DMD: variants seen among roughly 807,000 people sequenced by gnomAD.
The protein encoded by DMD is mutant dystrophin.
DMD carries 63 observed loss-of-function variants against 330.1 expected under a neutral mutation model. The ratio of observed to expected loss-of-function variants is 0.19; its 90% CI spans 0.16 to 0.24. The LOEUF (loss-of-function observed/expected upper bound fraction) is 0.24, where lower values mean the gene tolerates loss of function less well. DMD is among the 10% of genes least tolerant of loss of function. The pLI is 1.00. For missense variants in DMD, 3,344 were observed against 2,684.1 expected (o/e 1.25, Z -5.43); for synonymous variants, 1,223 against 959.8 (o/e 1.27, Z -5.07).
chrX:32,484,348 T>C (rs889104472), intron 21 of DMD, among the ~76,000 whole-genome samples: 2 of 112,112 alleles, frequency 1.8e-5, no homozygotes, highest in African/African-American at 6.5e-5. Flanking sequence ...CTTGAAAAAT[T>C]TGCTAGTCGC....
At chrX:31,593,605 T>A (rs1012509268) in intron 55 of DMD, among the ~76,000 whole-genome samples, 1 of 111,082 alleles carries the variant, frequency 9.0e-6, no homozygotes, top group Non-Finnish European at 1.9e-5. Flanking sequence ...CCAAAAACTA[T>A]GAAGAATTCC....
chrX:32,748,312 C>A (rs1406363897), intron 7 of DMD, among the ~76,000 whole-genome samples: 1 of 103,268 alleles, frequency 9.7e-6, no homozygotes, highest in Non-Finnish European at 2.0e-5. Context: ...CCACTGCACT[C>A]TCCAGACTGG....
At chrX:32,877,529 G>A (rs1297448368) in intron 2 of DMD, among the ~76,000 whole-genome samples, 1 of 112,117 alleles carries the variant, frequency 8.9e-6, no homozygotes, top group Non-Finnish European at 1.9e-5. Flanking sequence ...TCTTCTGAAA[G>A]TTAGCCCTTT....
At chrX:33,197,071 A>G (rs769770224) in intron 1 of DMD, among the ~76,000 whole-genome samples, 4 of 111,490 alleles carry the variant, frequency 3.6e-5, no homozygotes, top group African/African-American at 1.3e-4. Context: ...ACGTTCCCAT[A>G]TAATAGAAAT....
At chrX:31,805,494 C>T (rs1303249630) in intron 50 of DMD, among the ~76,000 whole-genome samples, 1 of 111,938 alleles carries the variant, frequency 8.9e-6, no homozygotes, top group African/African-American at 3.2e-5. Context: ...ATATATGGGA[C>T]TTATAGTCAT....
chrX:31,898,427 A>T (rs1435915730), intron 47 of DMD, among the ~76,000 whole-genome samples: 1 of 110,705 alleles, frequency 9.0e-6, no homozygotes, highest in African/African-American at 3.3e-5. Flanking sequence ...AGAGATATAG[A>T]TCAATGGAAC....
chrX:31,773,134 C>T (rs1208631042), intron 51 of DMD, among the ~76,000 whole-genome samples: 4 of 112,358 alleles, frequency 3.6e-5, no homozygotes, highest in African/African-American at 1.3e-4. Flanking sequence ...TACCTAAATA[C>T]CTTCAGCACA....
chrX:31,154,291 TA>T (rs1362770267), intron 74 of DMD, among the ~76,000 whole-genome samples: 3 of 110,576 alleles, frequency 2.7e-5, no homozygotes, highest in South Asian at 3.9e-4. Context: ...GTTTTTTTTT[TA>T]TTTTTTTATT....
chrX:31,156,123 G>C (rs1407605546), intron 74 of DMD, among the ~76,000 whole-genome samples: 1 of 111,903 alleles, frequency 8.9e-6, no homozygotes, highest in Admixed American at 9.5e-5. Context: ...TGAGAAGTAA[G>C]ACTATGCATA....
chrX:31,530,647 C>CTTTTTTTTTTTTTTTTTTTTTTTATT (rs1192286078), intron 55 of DMD, among the ~76,000 whole-genome samples: 3 of 49,814 alleles, frequency 6.0e-5, no homozygotes, highest in Non-Finnish European at 1.1e-4. Flanking sequence ...ACTGGTTTCT[C>CTTTTTTTTTTTTTTTTTTTTTTTATT]TTTTTTTTTT....
chrX:31,984,983 C>T (rs1410543483), intron 44 of DMD, among the ~76,000 whole-genome samples: 2 of 111,240 alleles, frequency 1.8e-5, no homozygotes. Flanking sequence ...ACAATGTATG[C>T]CATACAAAGA....
rs777018604 is a variant in DMD, at chrX:32,712,813, G to A, written c.650-13520C>T. 6.3e-5 allele frequency among the ~76,000 whole-genome samples: 7 copies of A among 111,446 alleles called. No individual in the cohort carries two copies. The South Asian group carries it at 2.2e-3, about 36-fold the overall frequency. Reference sequence around the variant, plus strand: ...ATTTTAATTTTGTGTTGGTAAATTTGTCGGTATTTTACAGCCTCTAGGTTT... The same window carrying A: ...ATTTTAATTTTGTGTTGGTAAATTTATCGGTATTTTACAGCCTCTAGGTTT... On this transcript the variant is annotated intron_variant, in intron 7 of 78. Coordinates refer to ENST00000357033, the MANE Select transcript of DMD (RefSeq NM_004006.3).
At chrX:33,007,071 T>C (rs1469689066) in intron 2 of DMD, among the ~76,000 whole-genome samples, 1 of 110,646 alleles carries the variant, frequency 9.0e-6, no homozygotes, top group Non-Finnish European at 1.9e-5. Flanking sequence ...CATTACTACA[T>C]TATCCTCTAA....
intron 9 of DMD, among the ~76,000 whole-genome samples, chrX:32,671,870 C>T (rs192599494): frequency 6.9e-4 from 77 of 111,423 alleles, no homozygotes; most frequent in Middle Eastern, 4.7e-3. Flanking sequence ...TATGCTTATG[C>T]TTTATATAAG....
At chrX:32,764,114 C>A (rs1266022145) in intron 7 of DMD, among the ~76,000 whole-genome samples, 2 of 107,605 alleles carry the variant, frequency 1.9e-5, no homozygotes, top group Admixed American at 9.9e-5. Flanking sequence ...TTTTTTCCAA[C>A]TAAATGGTTA....
intron 60 of DMD, among the ~76,000 whole-genome samples, chrX:31,378,166 G>A (rs2059980314): frequency 1.8e-5 from 2 of 111,436 alleles, no homozygotes; most frequent in African/African-American, 3.3e-5. Context: ...ACACGGACGC[G>A]CATGAAATTT....
intron 23 of DMD, among the ~76,000 whole-genome samples, chrX:32,468,114 T>C (rs777975698): frequency 9.1e-6 from 1 of 110,306 alleles, no homozygotes; most frequent in African/African-American, 3.3e-5. Flanking sequence ...ATATATAAAA[T>C]GATTACAATA....
chrX:32,361,383 C>G (rs12856584), intron 37 of DMD, among the ~76,000 whole-genome samples: 1 of 110,391 alleles, frequency 9.1e-6, no homozygotes, highest in South Asian at 3.8e-4. Context: ...CTACTAAGTT[C>G]TCTCATGCTG....
At chrX:33,178,837 T>C (rs1439928033) in intron 1 of DMD, among the ~76,000 whole-genome samples, 2 of 111,796 alleles carry the variant, frequency 1.8e-5, no homozygotes, top group Non-Finnish European at 3.8e-5. Context: ...TGCTCTTGTC[T>C]TTTTGAGTAT....
Sources: gnomAD v4.1 joint callset for allele counts (sites outside exome capture counted in the v4.1 genomes callset) on GRCh38, gnomAD v4.1.1 for gene constraint, MANE v1.5 for transcripts, NCBI Gene and HGNC (gene_info 2026-07-23, HGNC 2026-07-21) for gene names.